MTMR7: variants seen among roughly 807,000 people sequenced by gnomAD.
MTMR7 encodes myotubularin related protein 7.
In MTMR7, 76 loss-of-function variants were observed where a neutral mutation model predicts 81.2. That is an observed-to-expected ratio of 0.94 (90% CI 0.78 to 1.13). The LOEUF (loss-of-function observed/expected upper bound fraction) is 1.13, where lower values mean the gene tolerates loss of function less well. Among genes scored for constraint, MTMR7 ranks in the 50% most tolerant of loss-of-function variants. The pLI, the probability that MTMR7 is intolerant of heterozygous loss-of-function variation, is 0.00. For missense variants in MTMR7, 1,044 were observed against 820.0 expected (o/e 1.27, Z -3.34); for synonymous variants, 372 against 289.8 (o/e 1.28, Z -2.88).
chr8:17,340,589 T>G lies in MTMR7; in HGVS notation c.732+774A>C, dbSNP rs1819378683. On this transcript the variant is annotated intron_variant, in intron 6 of 13. Transcript: ENST00000180173. ...ACTGGAATTTTATTGGACTTAACACTGATTCTCCTTAAAAACAAAAAAGTT... is the reference window on the plus strand; with the variant it reads ...ACTGGAATTTTATTGGACTTAACACGGATTCTCCTTAAAAACAAAAAAGTT... 5.9e-5 allele frequency among the ~76,000 whole-genome samples: 9 copies of G among 152,330 alleles called. 1 individual carries two copies. The South Asian group carries it at 1.4e-3, about 25-fold the overall frequency.
At chr8:17,319,839 C>A in intron 7 of MTMR7, among the ~76,000 whole-genome samples, 1 of 152,222 alleles carries the variant, frequency 6.6e-6, no homozygotes, top group Non-Finnish European at 1.5e-5. Flanking sequence ...CAGCAGGAAC[C>A]AATCTTGGTT....
At chr8:17,303,303 T>C (rs1817247218) in intron 12 of MTMR7, among the ~76,000 whole-genome samples, 2 of 152,142 alleles carry the variant, frequency 1.3e-5, no homozygotes, top group South Asian at 4.2e-4. Context: ...TTGTTTAGTA[T>C]GATAGAATAT....
chr8:17,410,253 T>C (rs1367907771), intron 1 of MTMR7, among the ~76,000 whole-genome samples: 1 of 152,202 alleles, frequency 6.6e-6, no homozygotes, highest in Non-Finnish European at 1.5e-5. Flanking sequence ...TTCTATTTCA[T>C]AACTCAAATT....
chr8:17,381,109 T>C (rs1300743813), intron 1 of MTMR7, among the ~76,000 whole-genome samples: 1 of 152,222 alleles, frequency 6.6e-6, no homozygotes, highest in Non-Finnish European at 1.5e-5. Context: ...AGCATCTTTG[T>C]CTATCTTCAA....
chr8:17,359,237 G>A (rs1819989197), intron 4 of MTMR7, among the ~76,000 whole-genome samples: 1 of 152,070 alleles, frequency 6.6e-6, no homozygotes, highest in African/African-American at 2.4e-5. Context: ...GTACTTTACA[G>A]TACATTCATT....
At chr8:17,364,137 C>T (rs1231131948) in intron 3 of MTMR7, among the ~76,000 whole-genome samples, 1 of 146,620 alleles carries the variant, frequency 6.8e-6, no homozygotes, top group Admixed American at 7.1e-5. Flanking sequence ...TCACGCCATT[C>T]TCCTGCCTCA....
chr8:17,413,339 C>G lies in MTMR7; in HGVS notation c.-47G>C. 12 of 1,505,982 alleles carry G rather than the reference C, an allele frequency of 8.0e-6. No individual in the cohort carries two copies. The highest frequency in any genetic ancestry group is 1.1e-5 in the Non-Finnish European group (12 of 1,127,336). The allele number at this position is 1,505,982 out of a possible 1,614,324, so 93.3% of individuals were successfully genotyped here. ...TCCCGGGCGGGCGCGGCCTCACGCACCTGCGCGCCTCTGCGGCGCGATGGG... is the reference window on the plus strand; with the variant it reads ...TCCCGGGCGGGCGCGGCCTCACGCAGCTGCGCGCCTCTGCGGCGCGATGGG... On this transcript the variant is annotated 5_prime_UTR_variant, in exon 1 of 14. Coordinates refer to ENST00000180173, the MANE Select transcript of MTMR7 (RefSeq NM_004686.5).
chr8:17,309,355 G>T (rs760754379), intron 9 of MTMR7, 29 bp from the exon 10 acceptor site: 8 of 1,481,076 alleles, frequency 5.4e-6, no homozygotes, highest in South Asian at 1.2e-5. Context: ...AAATATCTTG[G>T]AGAGAAGCAA....
At chr8:17,406,030 C>T (rs1821572757) in intron 1 of MTMR7, among the ~76,000 whole-genome samples, 1 of 152,096 alleles carries the variant, frequency 6.6e-6, no homozygotes, top group African/African-American at 2.4e-5. Flanking sequence ...TTACTATTTT[C>T]TTTCTGCTCC....
At chr8:17,412,222 A>G (rs1821754586) in intron 1 of MTMR7, among the ~76,000 whole-genome samples, 1 of 152,218 alleles carries the variant, frequency 6.6e-6, no homozygotes, top group African/African-American at 2.4e-5. Context: ...CTCAGGAACT[A>G]TTCCAAAATT....
intron 1 of MTMR7, among the ~76,000 whole-genome samples, chr8:17,408,809 T>C (rs1821665449): frequency 6.6e-6 from 1 of 152,196 alleles, no homozygotes; most frequent in African/African-American, 2.4e-5. Context: ...GGTAACTTGA[T>C]GGGCATCATC....
In MTMR7 at chr8:17,305,829, A is replaced by T; in HGVS notation, c.1280T>A (p.Ile427Asn). The change falls in exon 11 of 14, where the codon ATT becomes AAT. Residue 427 changes from isoleucine to asparagine, a missense_variant. Coordinates refer to ENST00000180173, the MANE Select transcript of MTMR7 (RefSeq NM_004686.5). ...FEFNERFLIHIQHHIYSCQFG... is the reference protein window; with the variant it reads ...FEFNERFLIHNQHHIYSCQFG... The stretch of plus-strand genomic sequence containing the variant: ...CTGGCAGGAATAAATGTGATGTTGA[A>T]TGTGAATCAAAAACCTCTCATTGAA... The T allele has an allele frequency of 6.2e-7, 1 of 1,613,752 alleles. No individual in the cohort carries two copies. Among genetic ancestry groups the T allele is most frequent in the Non-Finnish European group, 8.5e-7 (1 of 1,179,704 alleles).
At chr8:17,404,886 C>T (rs1165020108) in intron 1 of MTMR7, among the ~76,000 whole-genome samples, 4 of 152,174 alleles carry the variant, frequency 2.6e-5, no homozygotes, top group South Asian at 2.1e-4. Context: ...AGTGCAGCGG[C>T]GCGATCTCAG....
At chr8:17,383,605 AGT>A (rs1820831076) in intron 1 of MTMR7, among the ~76,000 whole-genome samples, 1 of 152,256 alleles carries the variant, frequency 6.6e-6, no homozygotes, top group Non-Finnish European at 1.5e-5. Context: ...CTGGCTCAAC[AGT>A]CTCTCCTCCA....
At chr8:17,323,834 C>T (rs1268116956) in intron 7 of MTMR7, among the ~76,000 whole-genome samples, 1 of 152,120 alleles carries the variant, frequency 6.6e-6, no homozygotes, top group Non-Finnish European at 1.5e-5. Flanking sequence ...GTTTGATGGG[C>T]TACACTTTCT....
chr8:17,333,043 C>T (rs78115193), intron 6 of MTMR7, among the ~76,000 whole-genome samples: 1,798 of 152,040 alleles, frequency 0.012, 36 homozygotes, highest in East Asian at 0.075. Flanking sequence ...GTGAAAAAAA[C>T]AGCAGAGGAT....
rs1210457072 is a variant in MTMR7, at chr8:17,298,781, G to C, written c.*1081C>G. 6.6e-6 allele frequency: 1 copy of C among 152,512 alleles called. No individual in the cohort carries two copies. The highest frequency in any genetic ancestry group is 2.4e-5 in the African/African-American group (1 of 41,414). 9.4% of individuals were successfully genotyped at this position (152,512 alleles called of 1,614,324 possible). On this transcript the variant is annotated 3_prime_UTR_variant, in exon 14 of 14. Coordinates refer to ENST00000180173, the MANE Select transcript of MTMR7 (RefSeq NM_004686.5). ...GAAGTCTTTTTTAACTCATAAGATA[G>C]GGGAGGGACTCTCCCTTAAATGTGC...
intron 1 of MTMR7, among the ~76,000 whole-genome samples, chr8:17,407,408 G>T (rs888646723): frequency 1.3e-5 from 2 of 152,018 alleles, no homozygotes; most frequent in Admixed American, 6.6e-5. Context: ...ATGACATAAC[G>T]TTTTCGGAAA....
intron 7 of MTMR7, among the ~76,000 whole-genome samples, chr8:17,323,231 G>A (rs1467923575): frequency 6.6e-6 from 1 of 151,956 alleles, no homozygotes; most frequent in Non-Finnish European, 1.5e-5. Flanking sequence ...ACAGGTATGA[G>A]CCACCACACC....
Sources: gnomAD v4.1 joint callset for allele counts (sites outside exome capture counted in the v4.1 genomes callset) on GRCh38, gnomAD v4.1.1 for gene constraint, MANE v1.5 for transcripts, NCBI Gene and HGNC (gene_info 2026-07-23, HGNC 2026-07-21) for gene names.